Variants in WWOX observed in about 807,000 individuals in gnomAD.
The protein encoded by WWOX is WW domain containing oxidoreductase.
Under a neutral mutation model 46.2 loss-of-function variants are expected in WWOX, and 69 were observed. The ratio of observed to expected loss-of-function variants is 1.49; its 90% confidence interval spans 1.23 to 1.82. The LOEUF (loss-of-function observed/expected upper bound fraction) is 1.82. WWOX is among the 40% of genes most tolerant of loss of function. The pLI is 0.00. For missense variants in WWOX, 919 were observed against 542.6 expected (o/e 1.69, Z -6.89); for synonymous variants, 359 against 202.6 (o/e 1.77, Z -6.56).
intron 8 of WWOX, among the ~76,000 whole-genome samples, chr16:78,728,366 C>T (rs1224669061): frequency 6.6e-6 from 1 of 152,058 alleles, no homozygotes. Context: ...AGCCACCACA[C>T]CTGGCCATGG....
chr16:78,830,254 A>G (rs527660425), intron 8 of WWOX, among the ~76,000 whole-genome samples: 5 of 152,312 alleles, frequency 3.3e-5, no homozygotes, highest in Middle Eastern at 6.8e-3. Flanking sequence ...AATGATATTT[A>G]TATGGGGTTA....
At chr16:78,237,866 T>C (rs1031128772) in intron 5 of WWOX, among the ~76,000 whole-genome samples, 24 of 152,356 alleles carry the variant, frequency 1.6e-4, no homozygotes, top group African/African-American at 5.3e-4. Context: ...TCACAAAGCC[T>C]AAGTTGTTTA....
At chr16:78,423,327 AT>A (rs938756629) in intron 6 of WWOX, among the ~76,000 whole-genome samples, 5 of 152,094 alleles carry the variant, frequency 3.3e-5, no homozygotes, top group Admixed American at 6.6e-5. Flanking sequence ...TTTGTTTATG[AT>A]TTTAATGGCT....
Position 78,226,508 on chromosome 16 carries a change from T to C in WWOX, c.516+62219T>C, listed in dbSNP as rs111688175. On this transcript the variant is annotated intron_variant, in intron 5 of 8. Coordinates refer to ENST00000566780, the MANE Select transcript of WWOX (RefSeq NM_016373.4). The stretch of plus-strand genomic sequence containing the variant: ...TCCCTCCCTCCCTCCCTCCCTCCCT[T>C]CCTTCCTTCCTTCTCTCCTTCTCCT... Among the ~76,000 whole-genome samples the C allele has an allele frequency of 8.5e-3, 941 of 110,836 alleles. 11 individuals are homozygous for C. The highest frequency in any genetic ancestry group is 0.052 in the South Asian group (154 of 2,936). 72.7% of individuals were successfully genotyped at this position (110,836 alleles called of 152,430 possible).
At chr16:79,118,221 G>C (rs908432402) in intron 8 of WWOX, among the ~76,000 whole-genome samples, 5 of 152,202 alleles carry the variant, frequency 3.3e-5, no homozygotes, top group Non-Finnish European at 2.9e-5. Context: ...ATACTGTTGT[G>C]TCTCAGGTAA....
chr16:78,747,887 G>C (rs2049385478), intron 8 of WWOX, among the ~76,000 whole-genome samples: 2 of 152,140 alleles, frequency 1.3e-5, no homozygotes, highest in East Asian at 3.9e-4. Context: ...TTTTCCACCT[G>C]TCAGTGGAGG....
intron 8 of WWOX, among the ~76,000 whole-genome samples, chr16:79,024,816 C>T (rs897906192): frequency 1.3e-5 from 2 of 152,180 alleles, no homozygotes; most frequent in Admixed American, 6.5e-5. Flanking sequence ...AAGCAATCCT[C>T]TCCTCTGCCT....
chr16:78,914,495 G>A (rs2045195197), intron 8 of WWOX, among the ~76,000 whole-genome samples: 1 of 152,016 alleles, frequency 6.6e-6, no homozygotes, highest in Non-Finnish European at 1.5e-5. Context: ...GATTTCTTAT[G>A]TGATTAACTG....
At chr16:78,596,681 G>C (rs896975003) in intron 8 of WWOX, among the ~76,000 whole-genome samples, 2 of 152,220 alleles carry the variant, frequency 1.3e-5, no homozygotes, top group African/African-American at 4.8e-5. Flanking sequence ...GAAGCCAGCA[G>C]GGAGAATCAG....
chr16:78,886,156 C>T (rs973428025), intron 8 of WWOX, among the ~76,000 whole-genome samples: 9 of 151,362 alleles, frequency 5.9e-5, no homozygotes, highest in African/African-American at 2.2e-4. Context: ...AAGTCCTGAC[C>T]TTAAGTGATC....
intron 8 of WWOX, among the ~76,000 whole-genome samples, chr16:78,905,405 G>C (rs2044935881): frequency 6.6e-6 from 1 of 152,102 alleles, no homozygotes; most frequent in East Asian, 1.9e-4. Context: ...TTTTTGGACA[G>C]GCTTTCACTC....
rs112503257 is a variant in WWOX at position 78,961,536 on chromosome 16, A to C, written c.1057-250072A>C. Among the ~76,000 whole-genome samples, 457 of 152,096 alleles carry C rather than the reference A, an allele frequency of 3.0e-3. 2 individuals carry two copies. The highest frequency in any genetic ancestry group is 0.01 in the African/African-American group (434 of 41,504). On this transcript the variant is annotated intron_variant, in intron 8 of 8. Coordinates refer to ENST00000566780, the MANE Select transcript of WWOX (RefSeq NM_016373.4). ...GGAATGGTGGGTGGTAGGTGGGTACATAGATGGATGTATGGATGGGTGGGT... is the reference window on the plus strand; with the variant it reads ...GGAATGGTGGGTGGTAGGTGGGTACCTAGATGGATGTATGGATGGGTGGGT...
intron 8 of WWOX, among the ~76,000 whole-genome samples, chr16:79,142,472 C>A (rs78983032): frequency 6.6e-6 from 1 of 152,134 alleles, no homozygotes; most frequent in South Asian, 2.1e-4. Context: ...CATCAGGGCT[C>A]CCTCCTCCCC....
chr16:78,719,412 G>T (rs117211874), intron 8 of WWOX, among the ~76,000 whole-genome samples: 1,715 of 152,332 alleles, frequency 0.011, 15 homozygotes, highest in South Asian at 0.033. Flanking sequence ...TCAGAAGCTT[G>T]CCTTACAGGC....
intron 6 of WWOX, among the ~76,000 whole-genome samples, chr16:78,401,418 G>C (rs1345118140): frequency 6.6e-6 from 1 of 152,060 alleles, no homozygotes; most frequent in Admixed American, 6.5e-5. Flanking sequence ...ATAATGTTTT[G>C]GTCTAGAACT....
chr16:78,446,232 A>G (rs561830207), intron 8 of WWOX, among the ~76,000 whole-genome samples: 1 of 152,318 alleles, frequency 6.6e-6, no homozygotes, highest in East Asian at 1.9e-4. Context: ...TCCAGAGAGT[A>G]TTTTGTAACC....
At chr16:78,146,710 A>G (rs1023377432) in intron 4 of WWOX, among the ~76,000 whole-genome samples, 2 of 152,164 alleles carry the variant, frequency 1.3e-5, no homozygotes, top group African/African-American at 4.8e-5. Context: ...AGATAGCGTA[A>G]AAAGTGATGG....
chr16:78,653,380 A>C (rs924081686), intron 8 of WWOX, among the ~76,000 whole-genome samples: 1 of 152,242 alleles, frequency 6.6e-6, no homozygotes, highest in Non-Finnish European at 1.5e-5. Context: ...TCAGAGCAGT[A>C]ATAATAGATG....
chr16:78,337,041 A>T (rs2080907846), intron 5 of WWOX, among the ~76,000 whole-genome samples: 1 of 152,138 alleles, frequency 6.6e-6, no homozygotes, highest in Non-Finnish European at 1.5e-5. Flanking sequence ...TTGGCCTCCT[A>T]AAGGGTTGGG....
Sources: gnomAD v4.1 joint callset for allele counts (sites outside exome capture counted in the v4.1 genomes callset) on GRCh38, gnomAD v4.1.1 for gene constraint, MANE v1.5 for transcripts, NCBI Gene and HGNC (gene_info 2026-07-23, HGNC 2026-07-21) for gene names.